The following LTN1 variants were observed in gnomAD, a reference collection of about 807,000 sequenced individuals.
LTN1 encodes listerin E3 ubiquitin protein ligase 1.
A neutral mutation model predicts 201.2 loss-of-function variants in LTN1; 88 were observed. The ratio of observed to expected loss-of-function variants is 0.44; its 90% CI spans 0.37 to 0.52. The LOEUF (loss-of-function observed/expected upper bound fraction) is 0.52, where lower values mean the gene tolerates loss of function less well. Among genes scored for constraint, LTN1 ranks in the 20% least tolerant of loss-of-function variants. LTN1 has a pLI of 0.00. For missense variants in LTN1, 1,752 were observed against 2,038.7 expected, an observed-to-expected ratio of 0.86 and a Z score of 2.71; for synonymous variants, 645 against 713.5, an observed-to-expected ratio of 0.90 and a Z score of 1.53.
At chr21:28,950,935 C>T (rs945020110) in intron 18 of LTN1, among the ~76,000 whole-genome samples, 11 of 152,114 alleles carry the variant, frequency 7.2e-5, no homozygotes, top group Admixed American at 1.3e-4. Flanking sequence ...ATATGGATAA[C>T]GCAAGGGATC....
intron 6 of LTN1, among the ~76,000 whole-genome samples, chr21:28,979,679 G>A (rs1043126362): frequency 6.6e-5 from 10 of 152,008 alleles, no homozygotes; most frequent in African/African-American, 2.2e-4. Flanking sequence ...CAAAACTTGC[G>A]GTGTCTTAGG....
chr21:28,963,039 G>C (rs1429867769), intron 11 of LTN1, among the ~76,000 whole-genome samples: 1 of 152,204 alleles, frequency 6.6e-6, no homozygotes, highest in Admixed American at 6.5e-5. Flanking sequence ...CGCTAGCAAA[G>C]GGTGGTTCAT....
intron 15 of LTN1, 27 bp downstream of exon 15, chr21:28,957,305 A>G: frequency 6.4e-7 from 1 of 1,559,434 alleles, no homozygotes; most frequent in Non-Finnish European, 8.6e-7. Flanking sequence ...TCAGAATGAG[A>G]TATGTACTCT....
intron 27 of LTN1, among the ~76,000 whole-genome samples, chr21:28,933,540 T>C (rs999121646): frequency 1.2e-4 from 18 of 152,228 alleles, no homozygotes; most frequent in African/African-American, 4.3e-4. Context: ...TCACCGTTGA[T>C]TCTATTCACC....
Position 28,952,177 on chromosome 21 carries a change from A to T in LTN1, c.3327T>A (p.His1109Gln), listed in dbSNP as rs184496578. The T allele has an allele frequency of 3.8e-6, 6 of 1,597,670 alleles. No homozygotes were observed. In the African/African-American group the frequency reaches 8.1e-5, roughly 21 times the overall value. The change falls in exon 18 of 30, where the codon CAT becomes CAA. Residue 1109 changes from histidine to glutamine, a missense_variant. Transcript: ENST00000361371. ...AAGAATACCTTTCTTTTCTCTTATA[A>T]TGTGGTTTTACTTCATCAGATGAAA... ...RSISSDEVKP[H>Q]YKRKESFFPL...
At chr21:28,941,480 C>T (rs1222380263) in intron 24 of LTN1, 74 bp from the exon 25 acceptor site, 21 of 1,214,038 alleles carry the variant, frequency 1.7e-5, no homozygotes, top group Non-Finnish European at 2.4e-5. Flanking sequence ...TACTTGTAAA[C>T]TTCAAGCATT....
chr21:28,974,440 T>C (rs1212492467), intron 6 of LTN1, among the ~76,000 whole-genome samples: 1 of 152,184 alleles, frequency 6.6e-6, no homozygotes, highest in East Asian at 1.9e-4. Flanking sequence ...AAAAAACAAC[T>C]ACCTGAGGAC....
At chr21:28,949,323 T>C (rs1280363435) in intron 18 of LTN1, among the ~76,000 whole-genome samples, 1 of 152,212 alleles carries the variant, frequency 6.6e-6, no homozygotes, top group Non-Finnish European at 1.5e-5. Flanking sequence ...GCAGTTTTCA[T>C]CTTTCAGAAA....
chr21:28,965,796 G>C, intron 11 of LTN1, 69 bp downstream of exon 11: 1 of 860,620 alleles, frequency 1.2e-6, no homozygotes, highest in Non-Finnish European at 1.8e-6. Context: ...TGTGTAAATA[G>C]GACTACGGTT....
rs755357667 is a variant in LTN1 at position 28,932,431 on chromosome 21, T to C, written c.5070+39A>G. 4.0e-6 allele frequency: 6 copies of C among 1,516,128 alleles called. No homozygotes were observed. The South Asian group carries it at 6.9e-5, about 18-fold the overall frequency. The allele number at this position is 1,516,128 out of a possible 1,614,324, so 93.9% of individuals were successfully genotyped here. On this transcript the variant is annotated intron_variant, in intron 28 of 29. Transcript: ENST00000361371. Reference sequence around the variant, plus strand: ...ATGCCCTTTTAAATAGATCATCTTTTCCAAGTTTGTAAAGCCAAATGTGTA... The same window carrying C: ...ATGCCCTTTTAAATAGATCATCTTTCCCAAGTTTGTAAAGCCAAATGTGTA...
intron 6 of LTN1, among the ~76,000 whole-genome samples, chr21:28,976,147 T>C (rs1161588109): frequency 6.6e-6 from 1 of 152,168 alleles, no homozygotes; most frequent in African/African-American, 2.4e-5. Context: ...ATTTCTTTAT[T>C]GTAGTGGTTA....
chr21:28,973,724 A>G (rs959156514), intron 6 of LTN1, among the ~76,000 whole-genome samples: 3 of 152,186 alleles, frequency 2.0e-5, no homozygotes, highest in Admixed American at 6.5e-5. Context: ...TCTAGAATGC[A>G]AAAGACCTAA....
chr21:28,941,333 G>A lies in LTN1; in HGVS notation c.4369C>T (p.Pro1457Ser). 6.2e-7 allele frequency: 1 copy of A among 1,613,354 alleles called. No homozygotes were observed. The highest frequency in any genetic ancestry group is 8.5e-7 in the Non-Finnish European group (1 of 1,179,560). The change falls in exon 25 of 30, where the codon CCT becomes TCT. Residue 1457 changes from proline (P) to serine (S), a missense_variant. By Grantham distance (74) the Pro-to-Ser change is moderately conservative. Transcript: ENST00000361371. ...DLLENVLGCIPVGQIVTIKPL... is the reference protein window; with the variant it reads ...DLLENVLGCISVGQIVTIKPL... ...TTAATAGTAACTATCTGTCCAACAG[G>A]AATACACCCCAAAACATTTTCTAGT...
intron 9 of LTN1, chr21:28,967,748 T>C (rs1233512005): frequency 6.6e-6 from 1 of 152,450 alleles, no homozygotes; most frequent in Non-Finnish European, 1.5e-5. Context: ...TACAGCTGGT[T>C]GGTCAGAAGC....
At chr21:28,942,184 C>T (rs1395133296) in intron 24 of LTN1, among the ~76,000 whole-genome samples, 1 of 152,172 alleles carries the variant, frequency 6.6e-6, no homozygotes, top group Non-Finnish European at 1.5e-5. Context: ...TAGGTCTTTT[C>T]CTTCAACACC....
At position 28,986,292 on chromosome 21, in the gene LTN1, G is replaced by C. The variant is rs2084698100; in HGVS notation, c.247-55C>G. On this transcript the variant is annotated intron_variant, in intron 2 of 29. Transcript: ENST00000361371. This position sits in a 1 kb window ranked among gnomAD's most constrained non-coding sequence, Gnocchi z 4.1. ...TTAACAACCATAATAACTGGCTATA[G>C]ATTATTCTGTTCTGGAAGCTTTGTC... 2.9e-6 allele frequency: 3 copies of C among 1,032,004 alleles called. No homozygotes were observed. Among genetic ancestry groups the C allele is most frequent in the Non-Finnish European group, 4.5e-6 (3 of 667,832 alleles). The allele number at this position is 1,032,004 out of a possible 1,614,324, so 63.9% of individuals were successfully genotyped here.
At chr21:28,958,290 C>T in intron 14 of LTN1, 96 bp downstream of exon 14, 1 of 1,189,114 alleles carries the variant, frequency 8.4e-7, no homozygotes, top group Non-Finnish European at 1.2e-6. Context: ...CCCTACAAGT[C>T]ATTTTTCATA....
At chr21:28,933,327 T>C (rs2084226464) in intron 27 of LTN1, among the ~76,000 whole-genome samples, 1 of 152,138 alleles carries the variant, frequency 6.6e-6, no homozygotes, top group African/African-American at 2.4e-5. Context: ...GCCCTAGTCC[T>C]TTGCTCATGT....
chr21:28,962,264 T>G (rs1249668044), intron 11 of LTN1, among the ~76,000 whole-genome samples: 1 of 152,246 alleles, frequency 6.6e-6, no homozygotes, highest in African/African-American at 2.4e-5. Flanking sequence ...TAATATTTAC[T>G]GGGCTTTGTA....
Sources: allele counts gnomAD v4.1 joint callset (sites outside exome capture counted in the v4.1 genomes callset), GRCh38; gene constraint gnomAD v4.1.1; non-coding constraint Gnocchi (gnomAD v3.1); transcripts MANE v1.5; gene names NCBI Gene and HGNC (gene_info 2026-07-23, HGNC 2026-07-21).